The following USP34 variants were observed in gnomAD, a reference collection of about 807,000 sequenced individuals.
USP34 encodes ubiquitin carboxyl-terminal hydrolase 34.
USP34 carries 70 observed loss-of-function variants against 460.3 expected under a neutral mutation model. The observed-to-expected ratio is 0.15, with a 90% CI of 0.13 to 0.19. The LOEUF is 0.19. Ranked by LOEUF, USP34 falls within the 10% of genes least tolerant of loss-of-function variation. The pLI, the probability that USP34 is intolerant of heterozygous loss-of-function variation, is 1.00. For synonymous variants in USP34, 1,647 were observed against 1,405.3 expected, an observed-to-expected ratio of 1.17 and a Z score of -3.85; for missense variants, 3,985 against 4,236.2, an observed-to-expected ratio of 0.94 and a Z score of 1.65.
intron 1 of USP34, among the ~76,000 whole-genome samples, chr2:61,442,325 G>C (rs1376328025): frequency 4.8e-5 from 7 of 146,740 alleles, no homozygotes; most frequent in Non-Finnish European, 1.0e-4. Context: ...ACAACCTACA[G>C]AATGAGACAA....
At chr2:61,297,654 T>C (rs1204423269) in intron 29 of USP34, among the ~76,000 whole-genome samples, 4 of 152,212 alleles carry the variant, frequency 2.6e-5, no homozygotes, top group Non-Finnish European at 5.9e-5. Context: ...TGGTATAACA[T>C]GGTCTAGGGA....
chr2:61,298,629 C>T (rs1020338693), intron 29 of USP34, among the ~76,000 whole-genome samples: 2 of 143,830 alleles, frequency 1.4e-5, no homozygotes, highest in Non-Finnish European at 1.5e-5. Flanking sequence ...CTCAGACTAA[C>T]GTAACAGCCT....
At chr2:61,276,391 T>A (rs553714752) in intron 41 of USP34, among the ~76,000 whole-genome samples, 3 of 152,180 alleles carry the variant, frequency 2.0e-5, no homozygotes, top group African/African-American at 7.2e-5. Context: ...TTTTTAAAAA[T>A]ACATTTTCTT....
In USP34 at chr2:61,228,790, G is replaced by A. The variant is rs369577296; in HGVS notation, c.7368+37C>T. The A allele has an allele frequency of 1.3e-5, 21 of 1,586,540 alleles. No homozygotes were observed. The African/African-American group carries it at 2.6e-4, about 20-fold the overall frequency. On this transcript the variant is annotated intron_variant, in intron 60 of 79. Coordinates refer to ENST00000398571, the MANE Select transcript of USP34 (RefSeq NM_014709.4). ...ATTAAGTTGCAAATACTGAAAAAAG[G>A]TAGATAATCAAAAAAATAGACAAGA...
intron 1 of USP34, among the ~76,000 whole-genome samples, chr2:61,421,996 G>A (rs1244098345): frequency 1.3e-5 from 2 of 152,122 alleles, no homozygotes; most frequent in Non-Finnish European, 1.5e-5. Flanking sequence ...ACGGCGTAAG[G>A]CCAAAATACA....
At chr2:61,375,638 G>A (rs371321456) in intron 8 of USP34, among the ~76,000 whole-genome samples, 77 of 151,704 alleles carry the variant, frequency 5.1e-4, no homozygotes, top group African/African-American at 8.4e-4. Context: ...AAGTGGTGGC[G>A]GGTGCCTGTA....
At chr2:61,343,541 A>C (rs1331021186) in intron 16 of USP34, among the ~76,000 whole-genome samples, 6 of 152,186 alleles carry the variant, frequency 3.9e-5, no homozygotes, top group Admixed American at 3.3e-4. Context: ...TATATTTTCT[A>C]AAATATAGAG....
In USP34 at chr2:61,267,455, T is replaced by C. The variant is rs549560566; in HGVS notation, c.5434-1288A>G. Among the ~76,000 whole-genome samples the C allele has an allele frequency of 1.8e-4, 27 of 152,092 alleles. No homozygotes were observed. In the South Asian group the frequency reaches 2.3e-3, roughly 13 times the overall value. ...AAGTGGTTAGGAGATTTTTTTTTTT[T>C]TTTTGGAGACAGAATCTCACTCTGT... On this transcript the variant is annotated intron_variant, in intron 41 of 79. Coordinates refer to ENST00000398571, the MANE Select transcript of USP34 (RefSeq NM_014709.4).
intron 19 of USP34, among the ~76,000 whole-genome samples, chr2:61,331,799 CAAAG>C (rs1458907009): frequency 2.7e-5 from 4 of 150,704 alleles, no homozygotes; most frequent in Non-Finnish European, 5.9e-5. Context: ...TTAAAAAAAT[CAAAG>C]AAATACCCAG....
At chr2:61,437,674 G>A (rs1278806896) in intron 1 of USP34, among the ~76,000 whole-genome samples, 1 of 152,074 alleles carries the variant, frequency 6.6e-6, no homozygotes. Context: ...TCGGGAGGCT[G>A]AGGCAGGAGA....
chr2:61,419,489 A>G (rs531425420), intron 2 of USP34, among the ~76,000 whole-genome samples: 1 of 152,298 alleles, frequency 6.6e-6, no homozygotes, highest in South Asian at 2.1e-4. Context: ...TCTTGGTTAA[A>G]AATTCTTAAT....
At chr2:61,255,833 G>A (rs1459816680) in intron 48 of USP34, among the ~76,000 whole-genome samples, 2 of 152,212 alleles carry the variant, frequency 1.3e-5, no homozygotes, top group Admixed American at 6.5e-5. Flanking sequence ...TACATGGGCT[G>A]TCATAGTATT....
chr2:61,301,089 G>C lies in USP34; in HGVS notation c.3990C>G (p.Cys1330Trp). ...KGEGVQLPAS[C>W]LPPPQKDNIP... ...TGTTGTCCTTCTGAGGGGGTGGGAG[G>C]CAAGATGCTGGCAGCTGAACACCTT... Residue 1330 changes from cysteine to tryptophan, a missense_variant, in exon 29 of 80, where the codon TGC (cysteine) becomes TGG (tryptophan). By Grantham distance (215) the Cys-to-Trp change is radical. This residue lies in a region of USP34 where 1,114 missense variants were observed against 1,122.5 expected (regional missense o/e 0.99). Transcript: ENST00000398571. 1 of 1,614,002 alleles carries C rather than the reference G, an allele frequency of 6.2e-7. No individual in the cohort carries two copies. Among genetic ancestry groups the C allele is most frequent in the Non-Finnish European group, 8.5e-7 (1 of 1,180,006 alleles).
chr2:61,390,372 G>A (rs576457082), intron 5 of USP34, among the ~76,000 whole-genome samples: 1 of 152,224 alleles, frequency 6.6e-6, no homozygotes, highest in Non-Finnish European at 1.5e-5. Flanking sequence ...GGGTCTCAGT[G>A]GAGAAACTTG....
intron 10 of USP34, among the ~76,000 whole-genome samples, chr2:61,357,884 C>A (rs781032965): frequency 7.9e-5 from 12 of 152,052 alleles, no homozygotes; most frequent in Non-Finnish European, 1.8e-4. Context: ...GCAAGAAATT[C>A]TCTCTTTACA....
intron 5 of USP34, among the ~76,000 whole-genome samples, chr2:61,387,940 CACACACACACACACACACAT>C (rs1425509897): frequency 6.8e-6 from 1 of 146,304 alleles, no homozygotes; most frequent in Non-Finnish European, 1.5e-5. Flanking sequence ...CACACACACA[CACACACACACACACACACAT>C]ATATATATAT....
At chr2:61,235,967 C>G in intron 56 of USP34, 57 bp from the exon 57 acceptor site, 1 of 1,596,742 alleles carries the variant, frequency 6.3e-7, no homozygotes, top group Non-Finnish European at 8.5e-7. Context: ...ATAACAAAAA[C>G]CAAAAGATAT....
At chr2:61,283,362 T>C (rs771438588) in intron 36 of USP34, 47 bp downstream of exon 36, 11 of 1,575,620 alleles carry the variant, frequency 7.0e-6, no homozygotes, top group Non-Finnish European at 7.7e-6. Context: ...TATCAATATA[T>C]TATTCAAGTT....
At chr2:61,331,423 A>G (rs1203380487) in intron 19 of USP34, 52 bp from the exon 20 acceptor site, 1 of 1,465,590 alleles carries the variant, frequency 6.8e-7, no homozygotes, top group South Asian at 1.3e-5. Context: ...GTAAGAGAAT[A>G]AATCTATGCT....
Sources: gnomAD v4.1 joint callset for allele counts (sites outside exome capture counted in the v4.1 genomes callset) on GRCh38, gnomAD v4.1.1 for gene constraint, gnomAD v4.1.1 regional missense constraint, MANE v1.5 for transcripts, NCBI Gene and HGNC (gene_info 2026-07-23, HGNC 2026-07-21) for gene names.